TMCC1: variants seen among roughly 807,000 people sequenced by gnomAD.
The protein encoded by TMCC1 is transmembrane and coiled-coil domain family 1, also known as transmembrane and coiled-coil domains protein 1.
In TMCC1, 15 loss-of-function variants were observed where a neutral mutation model predicts 52.4. The observed-to-expected ratio is 0.29, with a 90% CI of 0.19 to 0.44. The LOEUF is 0.44. TMCC1 is among the 20% of genes least tolerant of loss of function. TMCC1 has a pLI of 1.00. For synonymous variants in TMCC1, 279 were observed against 301.9 expected (o/e 0.92, Z 0.79); for missense variants, 503 against 806.0 (o/e 0.62, Z 4.55).
At chr3:129,858,577 G>A (rs558128029) in intron 2 of TMCC1, among the ~76,000 whole-genome samples, 134 of 152,190 alleles carry the variant, frequency 8.8e-4, no homozygotes, top group Non-Finnish European at 1.5e-3. Flanking sequence ...TTGTCAGGTT[G>A]CCCAGGCTGG....
In TMCC1 at chr3:129,788,607, C is replaced by T. The variant is rs868522148; in HGVS notation, c.576+39196G>A. 1.4e-4 allele frequency among the ~76,000 whole-genome samples: 21 copies of T among 152,052 alleles called. 1 individual carries two copies. The highest frequency in any genetic ancestry group is 6.5e-4 in the Admixed American group (10 of 15,268). On this transcript the variant is annotated intron_variant, in intron 4 of 6. Transcript: ENST00000393238. Reference sequence around the variant, plus strand: ...CCTCCCCAGTAGCTGGGACTACAGGCGCCCGCCACCACGCCCGGCTAATTT... The same window carrying T: ...CCTCCCCAGTAGCTGGGACTACAGGTGCCCGCCACCACGCCCGGCTAATTT...
intron 4 of TMCC1, among the ~76,000 whole-genome samples, chr3:129,711,601 T>C (rs965854147): frequency 6.6e-6 from 1 of 151,938 alleles, no homozygotes; most frequent in African/African-American, 2.4e-5. Flanking sequence ...TCCCAACACT[T>C]TGGAAGGCCG....
At chr3:129,757,514 A>T (rs556762564) in intron 4 of TMCC1, among the ~76,000 whole-genome samples, 4 of 152,318 alleles carry the variant, frequency 2.6e-5, no homozygotes, top group Admixed American at 6.5e-5. Flanking sequence ...CAACAGAAAG[A>T]CAAAGACCAA....
At chr3:129,680,704 C>G (rs150004212) in intron 4 of TMCC1, among the ~76,000 whole-genome samples, 1 of 152,210 alleles carries the variant, frequency 6.6e-6, no homozygotes, top group African/African-American at 2.4e-5. Context: ...AGTTCGAGAC[C>G]AGCCTGGCCA....
intron 4 of TMCC1, among the ~76,000 whole-genome samples, chr3:129,748,059 T>C (rs1378815946): frequency 6.6e-6 from 1 of 152,208 alleles, no homozygotes; most frequent in Non-Finnish European, 1.5e-5. Context: ...AACATGGACT[T>C]AATCAGCACT....
chr3:129,705,742 G>A (rs569655352), intron 4 of TMCC1, among the ~76,000 whole-genome samples: 12 of 150,570 alleles, frequency 8.0e-5, no homozygotes, highest in East Asian at 7.9e-4. Flanking sequence ...ACAGGCGCCC[G>A]CCACCACGCC....
At chr3:129,827,745 A>G in intron 4 of TMCC1, 58 bp downstream of exon 4, 1 of 1,537,022 alleles carries the variant, frequency 6.5e-7, no homozygotes, top group Non-Finnish European at 8.8e-7. Context: ...GAAAGTCTGG[A>G]GAGTCCTAGG....
chr3:129,738,739 A>G (rs2051199978), intron 4 of TMCC1, among the ~76,000 whole-genome samples: 1 of 152,260 alleles, frequency 6.6e-6, no homozygotes, highest in Non-Finnish European at 1.5e-5. Context: ...AAAGTGTTTA[A>G]GAATAGAATT....
At chr3:129,759,748 G>A (rs1438434214) in intron 4 of TMCC1, among the ~76,000 whole-genome samples, 2 of 107,130 alleles carry the variant, frequency 1.9e-5, no homozygotes, top group South Asian at 3.2e-4. Context: ...TTGAGACGGA[G>A]TGTCGTTCTG....
intron 1 of TMCC1, among the ~76,000 whole-genome samples, chr3:129,889,833 A>G (rs2061880881): frequency 1.3e-5 from 2 of 152,180 alleles, no homozygotes; most frequent in South Asian, 4.1e-4. Flanking sequence ...TTAAGAATAT[A>G]AAGAAGGTCT....
chr3:129,882,161 G>A (rs1456954002), intron 1 of TMCC1, among the ~76,000 whole-genome samples: 1 of 152,072 alleles, frequency 6.6e-6, no homozygotes, highest in Non-Finnish European at 1.5e-5. Flanking sequence ...AATATACAGA[G>A]AACTCTTAAA....
Position 129,866,308 on chromosome 3 carries a change from CAT to C in TMCC1, c.-184+13999_-184+14000del, listed in dbSNP as rs1485075460. 3.0e-5 allele frequency among the ~76,000 whole-genome samples: 4 copies of C among 133,760 alleles called. No individual in the cohort carries two copies. The East Asian group carries it at 8.0e-4, about 27-fold the overall frequency. The allele number at this position is 133,760 out of a possible 152,430, so 87.8% of individuals were successfully genotyped here. A position where few individuals can be genotyped will look rare whatever the true frequency, so the allele number is the denominator to read the frequency against. ...ATATATACATAATATATAATATATACATATATTATATATACATATATACATAA... is the reference window on the plus strand; with the variant it reads ...ATATATACATAATATATAATATATACATATTATATATACATATATACATAA... On this transcript the variant is annotated intron_variant, in intron 2 of 6. Coordinates refer to ENST00000393238, the MANE Select transcript of TMCC1 (RefSeq NM_001017395.5).
rs1008903852 is a variant in TMCC1, at chr3:129,649,409, T to C, written c.*2072A>G. 5 of 152,142 alleles carry C rather than the reference T, an allele frequency of 3.3e-5. No homozygotes were observed. The highest frequency in any genetic ancestry group is 1.3e-4 in the Admixed American group (2 of 15,266). 9.4% of individuals were successfully genotyped at this position (152,142 alleles called of 1,614,324 possible). A position where few individuals can be genotyped will look rare whatever the true frequency, so the allele number is the denominator to read the frequency against. ...GGACAATTTGTTTTTGGCATGAACA[T>C]GAATTGGTTCTAATTTTTTTTTTTT... On this transcript the variant is annotated 3_prime_UTR_variant, in exon 7 of 7. Coordinates refer to ENST00000393238, the MANE Select transcript of TMCC1 (RefSeq NM_001017395.5).
chr3:129,741,961 TCTG>T (rs1481323183), intron 4 of TMCC1, among the ~76,000 whole-genome samples: 1 of 152,174 alleles, frequency 6.6e-6, no homozygotes, highest in Non-Finnish European at 1.5e-5. Flanking sequence ...TGCTATCATT[TCTG>T]CTATTTAAAT....
At chr3:129,772,811 AAG>A (rs1276372685) in intron 4 of TMCC1, among the ~76,000 whole-genome samples, 2 of 152,158 alleles carry the variant, frequency 1.3e-5, no homozygotes, top group African/African-American at 4.8e-5. Context: ...TGCTCACAAT[AAG>A]AGAGATATAA....
intron 4 of TMCC1, among the ~76,000 whole-genome samples, chr3:129,713,998 A>G (rs2109002635): frequency 6.6e-6 from 1 of 152,312 alleles, no homozygotes; most frequent in East Asian, 1.9e-4. Flanking sequence ...TATTAACAGA[A>G]TAAATGAAAA....
chr3:129,705,794 AT>A (rs1432703903), intron 4 of TMCC1, among the ~76,000 whole-genome samples: 4 of 151,806 alleles, frequency 2.6e-5, no homozygotes, highest in African/African-American at 9.7e-5. Context: ...GGGTTTCACC[AT>A]TTTAGCCAGG....
intron 1 of TMCC1, among the ~76,000 whole-genome samples, chr3:129,892,414 T>C (rs150633760): frequency 1.2e-3 from 179 of 152,266 alleles, no homozygotes; most frequent in African/African-American, 3.7e-3. Context: ...TACCACCTAC[T>C]CACAATTTGA....
chr3:129,681,960 GAGAA>G (rs1560179608), intron 4 of TMCC1, among the ~76,000 whole-genome samples: 1 of 151,242 alleles, frequency 6.6e-6, no homozygotes, highest in Non-Finnish European at 1.5e-5. Context: ...ATAAAGAAAT[GAGAA>G]AGGGAGAGGC....
Sources: gnomAD v4.1 joint callset for allele counts (sites outside exome capture counted in the v4.1 genomes callset) on GRCh38, gnomAD v4.1.1 for gene constraint, MANE v1.5 for transcripts, NCBI Gene and HGNC (gene_info 2026-07-23, HGNC 2026-07-21) for gene names.